The following TMEM272 variants were observed in gnomAD, a reference collection of about 807,000 sequenced individuals.
The protein encoded by TMEM272 is long intergenic non-protein coding RNA 282.
TMEM272 carries 8 observed loss-of-function variants against 3.7 expected under a neutral mutation model. The ratio of observed to expected loss-of-function variants is 2.17; its 90% CI spans 1.27 to 3.91. TMEM272 has a LOEUF of 3.91. Ranked by LOEUF, TMEM272 falls within the 30% of genes most tolerant of loss-of-function variation. The pLI, the probability that TMEM272 is intolerant of heterozygous loss-of-function variation, is 0.00. For missense variants in TMEM272, 166 were observed against 91.5 expected (o/e 1.81, Z -3.32); for synonymous variants, 63 against 39.8 (o/e 1.58, Z -2.20).
chr13:51,859,794 T>G, the TMEM272 span, among the ~76,000 whole-genome samples: 53 of 152,234 alleles, frequency 3.5e-4, no homozygotes, highest in Non-Finnish European at 6.0e-4. Context: ...AGTGTCCAAC[T>G]TCAACAAAAT....
upstream of TMEM272, among the ~76,000 whole-genome samples, chr13:51,849,484 T>C (rs1157292513): frequency 6.6e-6 from 1 of 152,242 alleles, no homozygotes; most frequent in Non-Finnish European, 1.5e-5. Flanking sequence ...AGTTTTATGT[T>C]ATGTGTATTT....
the TMEM272 span, among the ~76,000 whole-genome samples, chr13:51,925,367 T>C: frequency 6.6e-6 from 1 of 152,244 alleles, no homozygotes; most frequent in East Asian, 1.9e-4. Context: ...GCAAAAGTAC[T>C]GCCGGTGAGC....
intron 4 of TMEM272, among the ~76,000 whole-genome samples, chr13:51,820,034 A>C (rs1956066106): frequency 6.6e-6 from 1 of 152,314 alleles, no homozygotes; most frequent in South Asian, 2.1e-4. Context: ...TTAGGATGAT[A>C]AATTACACGG....
chr13:51,931,690 A>C, the TMEM272 span, among the ~76,000 whole-genome samples: 8 of 152,174 alleles, frequency 5.3e-5, no homozygotes, highest in Admixed American at 1.3e-4. Flanking sequence ...ATCCCTTCCT[A>C]AGGTGGTATC....
the TMEM272 span, among the ~76,000 whole-genome samples, chr13:51,871,785 T>C: frequency 3.1e-5 from 4 of 129,608 alleles, no homozygotes; most frequent in South Asian, 2.8e-4. Context: ...AATCTCCCCC[T>C]ACACACACAC....
At chr13:51,909,768 A>G in the TMEM272 span, 64 of 1,569,860 alleles carry the variant, frequency 4.1e-5, no homozygotes, top group Non-Finnish European at 3.9e-5. Context: ...ATCATCCGTT[A>G]TGTCTTCTTC....
At chr13:51,916,919 C>G in the TMEM272 span, among the ~76,000 whole-genome samples, 4 of 152,218 alleles carry the variant, frequency 2.6e-5, no homozygotes, top group Non-Finnish European at 5.9e-5. Context: ...CATCCTCAGG[C>G]TCTGGGAAGC....
the TMEM272 span, chr13:51,910,138 G>A: frequency 9.7e-7 from 1 of 1,028,764 alleles, no homozygotes; most frequent in South Asian, 1.3e-5. Context: ...ACCTCATCTT[G>A]TTCAGAATGT....
chr13:51,838,638 G>A (rs1956235941), intron 1 of TMEM272, 85 bp from the exon 2 acceptor site: 1 of 698,938 alleles, frequency 1.4e-6, no homozygotes, highest in Non-Finnish European at 2.6e-6. Context: ...GCATGTCAGT[G>A]GTGGCCTGCA....
upstream of TMEM272, among the ~76,000 whole-genome samples, chr13:51,849,031 C>T (rs928249341): frequency 1.3e-5 from 2 of 152,176 alleles, no homozygotes; most frequent in Non-Finnish European, 2.9e-5. Flanking sequence ...CTCACTTCGA[C>T]TTCTACCTGA....
chr13:51,864,765 A>G, the TMEM272 span, among the ~76,000 whole-genome samples: 1 of 152,060 alleles, frequency 6.6e-6, no homozygotes, highest in Non-Finnish European at 1.5e-5. Flanking sequence ...CATATTACTA[A>G]ATATTGTGTG....
chr13:51,893,558 T>C, the TMEM272 span, among the ~76,000 whole-genome samples: 1 of 151,912 alleles, frequency 6.6e-6, no homozygotes, highest in East Asian at 1.9e-4. Context: ...CCCAAAACAA[T>C]GTTTACTTTA....
the TMEM272 span, among the ~76,000 whole-genome samples, chr13:51,893,999 G>A: frequency 3.9e-5 from 6 of 152,294 alleles, no homozygotes; most frequent in East Asian, 7.7e-4. Flanking sequence ...CACACAGGAC[G>A]GAGCCTGGAA....
the TMEM272 span, among the ~76,000 whole-genome samples, chr13:51,882,168 T>C: frequency 2.6e-5 from 4 of 152,222 alleles, no homozygotes; most frequent in African/African-American, 9.7e-5. Flanking sequence ...AAAACCTCAT[T>C]CAATGTCTAA....
chr13:51,824,420 G>A (rs568428805), intron 3 of TMEM272, among the ~76,000 whole-genome samples: 6 of 152,176 alleles, frequency 3.9e-5, no homozygotes, highest in South Asian at 4.1e-4. Flanking sequence ...ACAATTCATC[G>A]GCATAATTAC....
chr13:51,891,601 T>G, the TMEM272 span, among the ~76,000 whole-genome samples: 3 of 152,236 alleles, frequency 2.0e-5, no homozygotes, highest in African/African-American at 7.2e-5. Flanking sequence ...TATGCCCAAC[T>G]GAAGCACAGC....
At chr13:51,880,402 G>A in the TMEM272 span, among the ~76,000 whole-genome samples, 1 of 152,134 alleles carries the variant, frequency 6.6e-6, no homozygotes, top group African/African-American at 2.4e-5. Flanking sequence ...GCATGGGCCT[G>A]TAGTATTAAA....
At chr13:51,929,518 CG>C in the TMEM272 span, among the ~76,000 whole-genome samples, 152 of 152,332 alleles carry the variant, frequency 1.0e-3, 2 homozygotes, top group Non-Finnish European at 1.5e-3. Flanking sequence ...CAGATAGACA[CG>C]GGATGGCTCT....
At chr13:51,874,862 C>T in the TMEM272 span, among the ~76,000 whole-genome samples, 1 of 152,172 alleles carries the variant, frequency 6.6e-6, no homozygotes, top group African/African-American at 2.4e-5. Context: ...CCTCCTCCTC[C>T]ACAATTTGAA....
Sources: gnomAD v4.1 joint callset for allele counts (sites outside exome capture counted in the v4.1 genomes callset) on GRCh38, gnomAD v4.1.1 for gene constraint, MANE v1.5 for transcripts, NCBI Gene and HGNC (gene_info 2026-07-23, HGNC 2026-07-21) for gene names.